Variants in SASH1 observed in about 807,000 individuals in gnomAD.
SASH1 encodes the protein SAM and SH3 domain containing 1.
In SASH1, 44 loss-of-function variants were observed where a neutral mutation model predicts 125.2. The observed-to-expected ratio is 0.35, with a 90% CI of 0.28 to 0.45. The LOEUF is 0.45. Ranked by LOEUF, SASH1 falls within the 20% of genes least tolerant of loss-of-function variation. The probability of loss-of-function intolerance (pLI) is 1.00; values close to 1 mark genes in which losing one functional copy is unlikely to be tolerated. For synonymous variants in SASH1, 639 were observed against 649.1 expected (o/e 0.98, Z 0.24); for missense variants, 1,426 against 1,614.5 (o/e 0.88, Z 2.00).
At chr6:148,456,929 A>G (rs931813200) in intron 4 of SASH1, among the ~76,000 whole-genome samples, 9 of 147,568 alleles carry the variant, frequency 6.1e-5, no homozygotes, top group African/African-American at 2.2e-4. Context: ...CTTTCTTTTT[A>G]GTAGGCTGCT....
the SASH1 span, among the ~76,000 whole-genome samples, chr6:148,200,231 AT>A: frequency 2.6e-5 from 4 of 152,376 alleles, no homozygotes; most frequent in East Asian, 5.8e-4. Flanking sequence ...CTAATAAAAA[AT>A]ATTCATGTAT....
the SASH1 span, among the ~76,000 whole-genome samples, chr6:148,236,715 C>T: frequency 6.6e-6 from 1 of 152,134 alleles, no homozygotes; most frequent in Non-Finnish European, 1.5e-5. Flanking sequence ...AGGGGGCCCA[C>T]AGACAGAAGG....
intron 4 of SASH1, chr6:148,440,741 A>C: frequency 3.7e-6 from 1 of 272,002 alleles, no homozygotes; most frequent in Non-Finnish European, 7.0e-6. Context: ...AATGTAGGAT[A>C]AAAGTTATCA....
At chr6:148,404,702 C>T (rs1282605984) in intron 2 of SASH1, among the ~76,000 whole-genome samples, 3 of 107,120 alleles carry the variant, frequency 2.8e-5, no homozygotes, top group African/African-American at 7.4e-5. Flanking sequence ...CCACCACCTG[C>T]CCCCCAAGCC....
At chr6:148,343,468 A>C (rs1400675695) in intron 1 of SASH1, among the ~76,000 whole-genome samples, 2 of 152,226 alleles carry the variant, frequency 1.3e-5, no homozygotes, top group Non-Finnish European at 2.9e-5. Context: ...TCAACAGTTT[A>C]ATCTGGGACA....
At chr6:148,286,293 C>T (rs1429160101) in intron 1 of SASH1, among the ~76,000 whole-genome samples, 3 of 151,524 alleles carry the variant, frequency 2.0e-5, no homozygotes, top group African/African-American at 7.3e-5. Flanking sequence ...CCCAGCTACT[C>T]GGGAGGCAGA....
At chr6:148,299,105 A>G (rs1167004859) in intron 1 of SASH1, among the ~76,000 whole-genome samples, 2 of 152,236 alleles carry the variant, frequency 1.3e-5, no homozygotes, top group Non-Finnish European at 2.9e-5. Flanking sequence ...AATTCATTCA[A>G]CAAATACCTA....
At chr6:148,237,908 C>T in the SASH1 span, among the ~76,000 whole-genome samples, 1 of 152,150 alleles carries the variant, frequency 6.6e-6, no homozygotes, top group Non-Finnish European at 1.5e-5. Flanking sequence ...GACGGGTCTG[C>T]CATGTTTTCC....
At chr6:148,524,097 T>TTATATA (rs371819726) in intron 10 of SASH1, among the ~76,000 whole-genome samples, 24 of 79,550 alleles carry the variant, frequency 3.0e-4, no homozygotes, top group Non-Finnish European at 5.6e-4. Context: ...ATTCAGTTAA[T>TTATATA]TATATATATA....
intron 2 of SASH1, among the ~76,000 whole-genome samples, chr6:148,434,902 T>C (rs1187092136): frequency 6.6e-6 from 1 of 152,154 alleles, no homozygotes; most frequent in Non-Finnish European, 1.5e-5. Context: ...GCATATCATA[T>C]TCAGAAATTT....
the SASH1 span, among the ~76,000 whole-genome samples, chr6:148,203,328 T>G: frequency 1.3e-5 from 2 of 152,176 alleles, no homozygotes; most frequent in African/African-American, 2.4e-5. Context: ...CTTCCTTACC[T>G]CGTGTCTTCA....
intron 16 of SASH1, among the ~76,000 whole-genome samples, chr6:148,537,982 CCTT>C (rs1399696768): frequency 6.6e-6 from 1 of 152,148 alleles, no homozygotes; most frequent in Non-Finnish European, 1.5e-5. Flanking sequence ...AGCTTATCTT[CCTT>C]CTTACCTTTT....
chr6:148,439,805 A>G (rs1031028512), intron 2 of SASH1, among the ~76,000 whole-genome samples: 4 of 151,982 alleles, frequency 2.6e-5, no homozygotes, highest in African/African-American at 9.7e-5. Context: ...TTGGAAGTCT[A>G]GTGTCGTTGG....
At chr6:148,527,417 T>C (rs1286622058) in intron 11 of SASH1, 36 bp from the exon 12 acceptor site, 1 of 1,536,094 alleles carries the variant, frequency 6.5e-7, no homozygotes, top group Non-Finnish European at 8.7e-7. Context: ...CTTCATTTTC[T>C]GCGACCAACA....
At chr6:148,539,409 T>C (rs1583326667) in intron 16 of SASH1, among the ~76,000 whole-genome samples, 1 of 152,164 alleles carries the variant, frequency 6.6e-6, no homozygotes, top group East Asian at 1.9e-4. Context: ...TGTATGCCTT[T>C]ATGTGCTTAT....
chr6:148,441,619 G>A (rs1208333426), intron 4 of SASH1, among the ~76,000 whole-genome samples: 1 of 152,166 alleles, frequency 6.6e-6, no homozygotes, highest in Non-Finnish European at 1.5e-5. Context: ...GAGTGAACGG[G>A]CTGTAGCTTT....
the SASH1 span, among the ~76,000 whole-genome samples, chr6:148,202,414 A>G: frequency 5.3e-5 from 8 of 151,978 alleles, no homozygotes; most frequent in South Asian, 2.1e-4. Context: ...CATCCTTTCC[A>G]TCTCCTCCTG....
At chr6:148,513,013 T>A in intron 8 of SASH1, 6 of 985,210 alleles carry the variant, frequency 6.1e-6, no homozygotes, top group Non-Finnish European at 7.2e-6. Flanking sequence ...GTACTAATGT[T>A]CGTGCCATAG....
chr6:148,306,732 C>T (rs1415885301), intron 1 of SASH1, among the ~76,000 whole-genome samples: 8 of 152,164 alleles, frequency 5.3e-5, no homozygotes, highest in African/African-American at 1.9e-4. Flanking sequence ...TTCATTCCTC[C>T]TTTCCCCCTG....
Sources: gnomAD v4.1 joint callset for allele counts (sites outside exome capture counted in the v4.1 genomes callset) on GRCh38, gnomAD v4.1.1 for gene constraint, MANE v1.5 for transcripts, NCBI Gene and HGNC (gene_info 2026-07-23, HGNC 2026-07-21) for gene names.